FKTN: variants seen among roughly 807,000 people sequenced by gnomAD.
FKTN encodes ribitol-5-phosphate transferase FKTN.
Under a neutral mutation model 58.6 loss-of-function variants are expected in FKTN, and 47 were observed. The observed-to-expected ratio is 0.80, with a 90% CI of 0.63 to 1.02. The LOEUF is 1.02. FKTN is among the 50% of genes least tolerant of loss of function. FKTN has a pLI of 0.00. For synonymous variants in FKTN, 178 were observed against 191.9 expected (o/e 0.93, Z 0.60); for missense variants, 516 against 537.3 (o/e 0.96, Z 0.39).
At chr9:105,621,537 C>T (rs552373925) in intron 10 of FKTN, among the ~76,000 whole-genome samples, 2 of 152,038 alleles carry the variant, frequency 1.3e-5, no homozygotes, top group East Asian at 1.9e-4. Flanking sequence ...CCATCCTCTG[C>T]CCCTCATTTT....
chr9:105,619,343 TGGC>T (rs1455184861), intron 9 of FKTN, among the ~76,000 whole-genome samples: 4 of 152,186 alleles, frequency 2.6e-5, no homozygotes, highest in Non-Finnish European at 4.4e-5. Flanking sequence ...ATGAGTGCTG[TGGC>T]GGACAGATGT....
intron 6 of FKTN, 40 bp downstream of exon 6, chr9:105,604,532 T>C: frequency 6.6e-7 from 1 of 1,522,526 alleles, no homozygotes; most frequent in Non-Finnish European, 9.1e-7. Context: ...AAATGAGTGT[T>C]GTTCAGTCAT....
rs1380445708 is a variant in FKTN, at chr9:105,632,921, C to T, written c.1173-2130C>T. 2.0e-5 allele frequency among the ~76,000 whole-genome samples: 3 copies of T among 152,300 alleles called. No homozygotes were observed. The South Asian group carries it at 6.2e-4, about 32-fold the overall frequency. ...GTCTTAGCTTTAAAAGCCAAGGTAACATTGCAGACCCATGGTGTATTTTAG... is the reference window on the plus strand; with the variant it reads ...GTCTTAGCTTTAAAAGCCAAGGTAATATTGCAGACCCATGGTGTATTTTAG... On this transcript the variant is annotated intron_variant, in intron 10 of 10. Transcript: ENST00000357998.
At chr9:105,583,225 G>A (rs1208064991) in intron 3 of FKTN, among the ~76,000 whole-genome samples, 2 of 152,210 alleles carry the variant, frequency 1.3e-5, no homozygotes, top group African/African-American at 4.8e-5. Flanking sequence ...GGCCCTATGC[G>A]AAGCACTTTA....
chr9:105,612,700 C>G (rs1830151301), intron 7 of FKTN, among the ~76,000 whole-genome samples: 1 of 152,218 alleles, frequency 6.6e-6, no homozygotes. Flanking sequence ...CGCCATGGCT[C>G]ACGCCTGTAA....
Position 105,604,396 on chromosome 9 carries a change from T to C in FKTN, c.551T>C (p.Leu184Pro). 3 of 1,613,986 alleles carry C rather than the reference T, an allele frequency of 1.9e-6. No individual in the cohort carries two copies. The highest frequency in any genetic ancestry group is 2.5e-6 in the Non-Finnish European group (3 of 1,179,866). ...VVFHERSGNYLWHGHLRLKEH... is the reference protein window; with the variant it reads ...VVFHERSGNYPWHGHLRLKEH... ...TTTCATGAGAGGAGTGGCAACTACC[T>C]CTGGCACGGCCACTTGAGACTTAAA... The change falls in exon 6 of 11, where the codon CTC (leucine) becomes CCC (proline). Residue 184 changes from leucine (L) to proline (P), a missense_variant. Transcript: ENST00000357998.
At chr9:105,585,227 C>A (rs986840461) in intron 3 of FKTN, among the ~76,000 whole-genome samples, 2 of 152,084 alleles carry the variant, frequency 1.3e-5, no homozygotes, top group African/African-American at 4.8e-5. Context: ...GAATTCAAGA[C>A]CAGCCTGGGC....
At position 105,601,350 on chromosome 9, in the gene FKTN, T is replaced by C; in HGVS notation, c.369+2T>C. The C allele has an allele frequency of 6.3e-7, 1 of 1,582,594 alleles. No homozygotes were observed. On this transcript the variant is annotated splice_donor_variant, in intron 5 of 10. Transcript: ENST00000357998. LOFTEE classifies it high-confidence loss of function. Reference sequence around the variant, plus strand: ...CAGTATCACCTATGGAAGAATGAGGTAAGTGACTTGCTTTCAGATAATGGA... The same window carrying C: ...CAGTATCACCTATGGAAGAATGAGGCAAGTGACTTGCTTTCAGATAATGGA...
intron 3 of FKTN, among the ~76,000 whole-genome samples, chr9:105,578,069 G>A (rs937356848): frequency 1.3e-5 from 2 of 151,936 alleles, no homozygotes; most frequent in African/African-American, 2.4e-5. Flanking sequence ...GAGATTTTAG[G>A]CTGAGACAAT....
rs75591986 is a variant in FKTN, at chr9:105,571,478, G to A, written c.-180-2177G>A. Among the ~76,000 whole-genome samples, 1,376 of 152,252 alleles carry A rather than the reference G, an allele frequency of 9.0e-3. 21 individuals carry two copies. Among genetic ancestry groups the A allele is most frequent in the African/African-American group, 0.032 (1,317 of 41,556 alleles). On this transcript the variant is annotated intron_variant, in intron 1 of 10. Coordinates refer to ENST00000357998, the MANE Select transcript of FKTN (RefSeq NM_001079802.2). The stretch of plus-strand genomic sequence containing the variant: ...TGGATATCATCTTGATAATAAAAAT[G>A]TAATTAAGTTTTTGATATTATGGTT...
intron 9 of FKTN, among the ~76,000 whole-genome samples, chr9:105,619,077 T>C (rs914356070): frequency 2.7e-5 from 4 of 150,654 alleles, no homozygotes; most frequent in Non-Finnish European, 5.9e-5. Context: ...AAAAAAAAAG[T>C]TTAGTCACCA....
At chr9:105,596,203 C>G (rs571839626) in intron 3 of FKTN, among the ~76,000 whole-genome samples, 2 of 152,282 alleles carry the variant, frequency 1.3e-5, no homozygotes, top group Non-Finnish European at 2.9e-5. Context: ...CATTAGTATA[C>G]TTTATCACTT....
At chr9:105,593,845 G>T (rs1845348800) in intron 3 of FKTN, among the ~76,000 whole-genome samples, 1 of 152,182 alleles carries the variant, frequency 6.6e-6, no homozygotes, top group Non-Finnish European at 1.5e-5. Flanking sequence ...CAATGTTCAG[G>T]TCATTGGTGA....
intron 1 of FKTN, among the ~76,000 whole-genome samples, chr9:105,569,291 T>TA (rs959680513): frequency 1.3e-5 from 2 of 151,712 alleles, no homozygotes; most frequent in Non-Finnish European, 2.9e-5. Flanking sequence ...AATATAATAA[T>TA]AAAAAAAATA....
intron 7 of FKTN, among the ~76,000 whole-genome samples, chr9:105,611,171 A>G (rs2132996565): frequency 6.6e-6 from 1 of 152,170 alleles, no homozygotes; most frequent in East Asian, 1.9e-4. Context: ...TTATTCTTTG[A>G]TATAAGGTTT....
intron 9 of FKTN, 72 bp from the exon 10 acceptor site, chr9:105,619,862 T>C: frequency 7.4e-7 from 1 of 1,343,134 alleles, no homozygotes; most frequent in Non-Finnish European, 1.0e-6. Context: ...TTTATTTTTA[T>C]TTTTTAAAAA....
intron 3 of FKTN, among the ~76,000 whole-genome samples, chr9:105,592,362 G>A (rs147372883): frequency 2.0e-5 from 3 of 152,180 alleles, no homozygotes; most frequent in African/African-American, 4.8e-5. Context: ...TTCTGGGTTG[G>A]GCATGGTGGC....
At chr9:105,620,818 TAGTAAAGA>T (rs893598897) in intron 10 of FKTN, among the ~76,000 whole-genome samples, 1 of 150,750 alleles carries the variant, frequency 6.6e-6, no homozygotes, top group Admixed American at 6.6e-5. Flanking sequence ...GTAGTAGTAG[TAGTAAAGA>T]AAACTATTTC....
intron 6 of FKTN, among the ~76,000 whole-genome samples, chr9:105,605,719 G>A (rs1427676518): frequency 6.6e-6 from 1 of 152,182 alleles, no homozygotes; most frequent in African/African-American, 2.4e-5. Flanking sequence ...ATAGAGAGTA[G>A]AATGATGGTT....
Sources: allele counts gnomAD v4.1 joint callset (sites outside exome capture counted in the v4.1 genomes callset), GRCh38; gene constraint gnomAD v4.1.1; transcripts MANE v1.5; gene names NCBI Gene and HGNC (gene_info 2026-07-23, HGNC 2026-07-21).